Variants in PTPRN2 observed in about 807,000 individuals in gnomAD.
PTPRN2 encodes the protein protein tyrosine phosphatase receptor type N2.
PTPRN2 carries 74 observed loss-of-function variants against 118.8 expected under a neutral mutation model. The ratio of observed to expected loss-of-function variants is 0.62; its 90% CI spans 0.52 to 0.76. The LOEUF (loss-of-function observed/expected upper bound fraction) is 0.76, where lower values mean the gene tolerates loss of function less well. PTPRN2 is among the 30% of genes least tolerant of loss of function. The probability of loss-of-function intolerance (pLI) is 0.00; values close to 1 mark genes in which losing one functional copy is unlikely to be tolerated. For synonymous variants in PTPRN2, 641 were observed against 608.0 expected, an observed-to-expected ratio of 1.05 and a Z score of -0.80; for missense variants, 1,481 against 1,394.4, an observed-to-expected ratio of 1.06 and a Z score of -0.99.
chr7:158,104,397 G>A (rs960747215), intron 10 of PTPRN2, among the ~76,000 whole-genome samples: 12 of 152,124 alleles, frequency 7.9e-5, no homozygotes, highest in African/African-American at 1.7e-4. Flanking sequence ...GAAAATCAGG[G>A]ATTTGTGGAT....
chr7:157,897,971 C>T (rs900450017), intron 12 of PTPRN2, among the ~76,000 whole-genome samples: 4 of 152,298 alleles, frequency 2.6e-5, no homozygotes, highest in Admixed American at 6.5e-5. Context: ...GAGGCGCGTC[C>T]GCGCTCTGTG....
chr7:157,678,417 A>C (rs1228606763), intron 13 of PTPRN2, among the ~76,000 whole-genome samples: 1 of 152,202 alleles, frequency 6.6e-6, no homozygotes, highest in African/African-American at 2.4e-5. Context: ...AAACTCACCT[A>C]GAGAAAGAAC....
chr7:158,452,450 C>T (rs901293179), intron 2 of PTPRN2, among the ~76,000 whole-genome samples: 16 of 152,334 alleles, frequency 1.1e-4, no homozygotes, highest in Admixed American at 6.5e-4. Context: ...GGTTCACCGT[C>T]GCCAGGCTCC....
chr7:157,633,837 A>G (rs1051425741), intron 14 of PTPRN2, among the ~76,000 whole-genome samples: 4 of 152,252 alleles, frequency 2.6e-5, no homozygotes, highest in Non-Finnish European at 4.4e-5. Flanking sequence ...AGGACTCAGC[A>G]GTTTATTTTA....
intron 12 of PTPRN2, among the ~76,000 whole-genome samples, chr7:157,736,149 C>T (rs1437453057): frequency 6.6e-6 from 1 of 152,198 alleles, no homozygotes; most frequent in Non-Finnish European, 1.5e-5. Context: ...ATACATCACC[C>T]GATCACACCA....
intron 11 of PTPRN2, among the ~76,000 whole-genome samples, chr7:157,968,041 G>A (rs1325505085): frequency 6.6e-6 from 1 of 152,150 alleles, no homozygotes; most frequent in East Asian, 1.9e-4. Flanking sequence ...GGCTTTCTGG[G>A]AGCTGGATGT....
At chr7:158,514,593 C>T (rs984959038) in intron 1 of PTPRN2, among the ~76,000 whole-genome samples, 1 of 152,146 alleles carries the variant, frequency 6.6e-6, no homozygotes, top group African/African-American at 2.4e-5. Context: ...TCCATGTGTG[C>T]AGCAACCCCA....
At chr7:157,849,046 G>A (rs1045691228) in intron 12 of PTPRN2, among the ~76,000 whole-genome samples, 3 of 152,212 alleles carry the variant, frequency 2.0e-5, no homozygotes, top group Non-Finnish European at 1.5e-5. Flanking sequence ...TGACGTCTGC[G>A]GAGCCCCTCG....
intron 1 of PTPRN2, among the ~76,000 whole-genome samples, chr7:158,522,219 CA>C (rs1563389290): frequency 9.4e-5 from 7 of 74,128 alleles, no homozygotes; most frequent in African/African-American, 1.8e-4. Context: ...GTGGACTGTC[CA>C]GGTAGTGGCT....
At chr7:158,114,072 A>G (rs1004450172) in intron 9 of PTPRN2, among the ~76,000 whole-genome samples, 2 of 152,242 alleles carry the variant, frequency 1.3e-5, no homozygotes, top group African/African-American at 2.4e-5. Context: ...AAAATAAAAA[A>G]ACCAAACCAA....
chr7:157,727,509 G>A (rs1274645381), intron 12 of PTPRN2, among the ~76,000 whole-genome samples: 1 of 152,136 alleles, frequency 6.6e-6, no homozygotes, highest in Non-Finnish European at 1.5e-5. Context: ...ACAGAGGGTA[G>A]AGTGGGCTGC....
intron 12 of PTPRN2, among the ~76,000 whole-genome samples, chr7:157,694,206 A>G (rs1797660902): frequency 6.6e-6 from 1 of 152,228 alleles, no homozygotes; most frequent in South Asian, 2.1e-4. Flanking sequence ...CTGTCTTTCT[A>G]GTGCTTTGAG....
chr7:157,551,538 C>T (rs1279068280), intron 21 of PTPRN2, among the ~76,000 whole-genome samples: 1 of 145,050 alleles, frequency 6.9e-6, no homozygotes, highest in Non-Finnish European at 1.5e-5. Flanking sequence ...ACCCCACACA[C>T]CCCACAGCCA....
intron 11 of PTPRN2, among the ~76,000 whole-genome samples, chr7:158,007,663 C>T (rs1038717928): frequency 2.0e-5 from 3 of 152,070 alleles, no homozygotes; most frequent in Admixed American, 1.3e-4. Context: ...AAAAGTATCA[C>T]AGTCAGCCTG....
At position 158,357,213 on chromosome 7, in the gene PTPRN2, A is replaced by G. The variant is rs373890100; in HGVS notation, c.164-40281T>C. Among the ~76,000 whole-genome samples the G allele has an allele frequency of 1.8e-4, 27 of 152,364 alleles. No individual in the cohort carries two copies. The East Asian group carries it at 4.8e-3, about 27-fold the overall frequency. ...TACTGGGGGAAAGCATCCACATTAC[A>G]TAAAAGAGAAAGGAGACAAAACGAC... On this transcript the variant is annotated intron_variant, in intron 2 of 22. Transcript: ENST00000389418.
chr7:158,562,631 T>A (rs1827456857), intron 1 of PTPRN2, among the ~76,000 whole-genome samples: 1 of 152,210 alleles, frequency 6.6e-6, no homozygotes. Flanking sequence ...CTATTATTAA[T>A]AGTCCATTTA....
intron 11 of PTPRN2, among the ~76,000 whole-genome samples, chr7:158,061,309 G>A (rs1017160462): frequency 4.6e-5 from 7 of 152,244 alleles, no homozygotes; most frequent in Non-Finnish European, 8.8e-5. Flanking sequence ...GGGGAGGACT[G>A]AGTCCACGCA....
intron 13 of PTPRN2, among the ~76,000 whole-genome samples, chr7:157,665,394 T>C (rs1272786265): frequency 6.6e-6 from 1 of 152,170 alleles, no homozygotes; most frequent in Non-Finnish European, 1.5e-5. Context: ...AGAAGAAAGG[T>C]AGATGTAACC....
intron 3 of PTPRN2, among the ~76,000 whole-genome samples, chr7:158,300,540 C>T (rs1053803199): frequency 6.6e-5 from 10 of 152,288 alleles, no homozygotes; most frequent in Non-Finnish European, 1.2e-4. Flanking sequence ...GAAGACACCC[C>T]AATCTGCACG....
Sources: gnomAD v4.1 joint callset for allele counts (sites outside exome capture counted in the v4.1 genomes callset) on GRCh38, gnomAD v4.1.1 for gene constraint, MANE v1.5 for transcripts, NCBI Gene and HGNC (gene_info 2026-07-23, HGNC 2026-07-21) for gene names.